ZFPM2: variants seen among roughly 807,000 people sequenced by gnomAD.
ZFPM2 encodes the protein zinc finger protein, FOG family member 2.
ZFPM2 carries 20 observed loss-of-function variants against 98.6 expected under a neutral mutation model. The observed-to-expected ratio is 0.20, with a 90% CI of 0.14 to 0.29. ZFPM2 has a LOEUF of 0.29. Among genes scored for constraint, ZFPM2 ranks in the 10% least tolerant of loss-of-function variants. ZFPM2 has a pLI of 1.00. For synonymous variants in ZFPM2, 518 were observed against 502.7 expected (o/e 1.03, Z -0.41); for missense variants, 1,310 against 1,388.6 (o/e 0.94, Z 0.90).
At chr8:105,379,131 A>C (rs562895382) in intron 1 of ZFPM2, among the ~76,000 whole-genome samples, 1 of 152,342 alleles carries the variant, frequency 6.6e-6, no homozygotes, top group East Asian at 1.9e-4. Flanking sequence ...AATTTCAAAA[A>C]AATTGTTCTT....
At chr8:105,661,586 T>C (rs938411615) in intron 5 of ZFPM2, among the ~76,000 whole-genome samples, 3 of 152,166 alleles carry the variant, frequency 2.0e-5, no homozygotes, top group Admixed American at 2.0e-4. Context: ...CTCCGAGTTG[T>C]CTGTTGGCAG....
At chr8:105,672,796 C>G (rs571356405) in intron 5 of ZFPM2, among the ~76,000 whole-genome samples, 62 of 152,214 alleles carry the variant, frequency 4.1e-4, no homozygotes, top group African/African-American at 1.5e-3. Flanking sequence ...ATTTGTTCAA[C>G]CTAAGCCATG....
intron 1 of ZFPM2, among the ~76,000 whole-genome samples, chr8:105,396,505 G>A (rs1586342592): frequency 6.6e-6 from 1 of 152,240 alleles, no homozygotes; most frequent in Non-Finnish European, 1.5e-5. Flanking sequence ...TGGGAATGAA[G>A]AACAGGTTAA....
At chr8:105,738,528 T>C (rs1176555984) in intron 5 of ZFPM2, among the ~76,000 whole-genome samples, 2 of 152,230 alleles carry the variant, frequency 1.3e-5, no homozygotes, top group South Asian at 2.1e-4. Context: ...TTCTTTTGGG[T>C]ATATACCCAG....
At chr8:105,595,014 A>G (rs1347738023) in intron 4 of ZFPM2, among the ~76,000 whole-genome samples, 1 of 152,132 alleles carries the variant, frequency 6.6e-6, no homozygotes, top group Non-Finnish European at 1.5e-5. Context: ...ACTTCTAGCT[A>G]ACTTAGGCAA....
chr8:105,685,185 A>G (rs1169992357), intron 5 of ZFPM2, among the ~76,000 whole-genome samples: 1 of 152,118 alleles, frequency 6.6e-6, no homozygotes. Context: ...TAGACACTAG[A>G]TGCATGTAGC....
At chr8:105,322,904 C>G (rs1812053756) in intron 1 of ZFPM2, among the ~76,000 whole-genome samples, 1 of 151,966 alleles carries the variant, frequency 6.6e-6, no homozygotes, top group African/African-American at 2.4e-5. Flanking sequence ...GTACGAATTC[C>G]TAACTTGCGC....
chr8:105,576,177 A>G (rs1273047935), intron 4 of ZFPM2, among the ~76,000 whole-genome samples: 2 of 152,222 alleles, frequency 1.3e-5, no homozygotes, highest in Non-Finnish European at 2.9e-5. Context: ...GTAATAATAT[A>G]TACGCAGAGC....
intron 4 of ZFPM2, among the ~76,000 whole-genome samples, chr8:105,622,113 A>G (rs909458870): frequency 6.6e-6 from 1 of 152,030 alleles, no homozygotes. Flanking sequence ...TAGAAAAAAA[A>G]CAAAAAGAAT....
chr8:105,463,108 TG>T (rs567291184), intron 3 of ZFPM2, among the ~76,000 whole-genome samples: 96 of 152,158 alleles, frequency 6.3e-4, no homozygotes, highest in African/African-American at 2.2e-3. Context: ...TATAATTGCA[TG>T]GGTAACTAAA....
chr8:105,434,317 A>T (rs1397478118), intron 2 of ZFPM2, among the ~76,000 whole-genome samples: 1 of 152,064 alleles, frequency 6.6e-6, no homozygotes, highest in African/African-American at 2.4e-5. Context: ...TTCTGTTTGG[A>T]TAATCTATAA....
At chr8:105,789,068 T>A in intron 6 of ZFPM2, 144 bp downstream of exon 6, 1 of 681,490 alleles carries the variant, frequency 1.5e-6, no homozygotes, top group Non-Finnish European at 2.3e-6. Flanking sequence ...TTTAAATATT[T>A]AATTTGAGAA....
intron 5 of ZFPM2, among the ~76,000 whole-genome samples, chr8:105,741,910 A>AT (rs987888412): frequency 3.0e-4 from 46 of 152,130 alleles, no homozygotes; most frequent in Admixed American, 2.7e-3. Context: ...AATTGAGAAT[A>AT]TTTTCAAGGA....
intron 5 of ZFPM2, among the ~76,000 whole-genome samples, chr8:105,760,590 C>T (rs1812713151): frequency 6.6e-6 from 1 of 151,954 alleles, no homozygotes; most frequent in African/African-American, 2.4e-5. Context: ...AGTGTTTAGA[C>T]CAAGGCAAGG....
intron 1 of ZFPM2, among the ~76,000 whole-genome samples, chr8:105,322,117 G>A (rs190852179): frequency 5.9e-4 from 90 of 152,172 alleles, no homozygotes; most frequent in African/African-American, 1.9e-3. Flanking sequence ...GGAGGTGTTT[G>A]GTGTGGGAGC....
At chr8:105,746,916 G>A (rs1307728145) in intron 5 of ZFPM2, among the ~76,000 whole-genome samples, 1 of 151,636 alleles carries the variant, frequency 6.6e-6, no homozygotes, top group Non-Finnish European at 1.5e-5. Flanking sequence ...ACAACTACTG[G>A]TTTACTAAAC....
At chr8:105,522,928 T>G (rs1449616434) in intron 3 of ZFPM2, among the ~76,000 whole-genome samples, 3 of 152,184 alleles carry the variant, frequency 2.0e-5, no homozygotes, top group Non-Finnish European at 4.4e-5. Context: ...TATACTGCCT[T>G]TCCTTGTAGC....
rs377041216 is a variant in ZFPM2 at position 105,599,076 on chromosome 8, G to A, written c.421-35170G>A. Reference sequence around the variant, plus strand: ...TTCCAGAAATCCAAACTGTGGACCCGCAAAAAATTTAAATTACTCATTGGG... The same window carrying A: ...TTCCAGAAATCCAAACTGTGGACCCACAAAAAATTTAAATTACTCATTGGG... On this transcript the variant is annotated intron_variant, in intron 4 of 7. Coordinates refer to ENST00000407775, the MANE Select transcript of ZFPM2 (RefSeq NM_012082.4). 2.1e-4 allele frequency among the ~76,000 whole-genome samples: 32 copies of A among 152,094 alleles called. 1 individual carries two copies. The Middle Eastern group carries it at 0.02, about 97-fold the overall frequency.
chr8:105,561,346 T>C lies in ZFPM2; in HGVS notation c.302-17T>C, dbSNP rs1227949275. Reference sequence around the variant, plus strand: ...TACAAGTAAGTATTCTAAACACTTCTGTTCCTTTGTCTGCAGGAGAGCTGG... The same window carrying C: ...TACAAGTAAGTATTCTAAACACTTCCGTTCCTTTGTCTGCAGGAGAGCTGG... On this transcript the variant is annotated splice_polypyrimidine_tract_variant and intron_variant, in intron 3 of 7. Transcript: ENST00000407775. 6 of 1,602,500 alleles carry C rather than the reference T, an allele frequency of 3.7e-6. No individual in the cohort carries two copies. The East Asian group carries it at 6.7e-5, about 18-fold the overall frequency.
Sources: allele counts gnomAD v4.1 joint callset (sites outside exome capture counted in the v4.1 genomes callset), GRCh38; gene constraint gnomAD v4.1.1; transcripts MANE v1.5; gene names NCBI Gene and HGNC (gene_info 2026-07-23, HGNC 2026-07-21).